SLC35F4: variants seen among roughly 807,000 people sequenced by gnomAD.
SLC35F4 encodes the protein solute carrier family 35 member F4.
In SLC35F4, 24 loss-of-function variants were observed where a neutral mutation model predicts 44.2. The ratio of observed to expected loss-of-function variants is 0.54; its 90% CI spans 0.39 to 0.76. SLC35F4 has a LOEUF of 0.76. SLC35F4 is among the 30% of genes least tolerant of loss of function. The pLI, the probability that SLC35F4 is intolerant of heterozygous loss-of-function variation, is 0.00. For missense variants in SLC35F4, 562 were observed against 586.1 expected (o/e 0.96, Z 0.42); for synonymous variants, 238 against 223.6 (o/e 1.06, Z -0.57).
At chr14:57,710,215 G>A (rs748543325) in intron 1 of SLC35F4, among the ~76,000 whole-genome samples, 2 of 152,228 alleles carry the variant, frequency 1.3e-5, no homozygotes, top group African/African-American at 4.8e-5. Flanking sequence ...TACTGCTCAG[G>A]CCATTGCTTC....
At chr14:57,766,622 G>C (rs1218390140) in intron 1 of SLC35F4, among the ~76,000 whole-genome samples, 2 of 152,164 alleles carry the variant, frequency 1.3e-5, no homozygotes, top group East Asian at 1.9e-4. Flanking sequence ...CCTGAGGCTT[G>C]AGCACTATAC....
At position 57,589,504 on chromosome 14, in the gene SLC35F4, C is replaced by T; in HGVS notation, c.299G>A (p.Gly100Glu). 1 of 1,603,252 alleles carries T rather than the reference C, an allele frequency of 6.2e-7. No homozygotes were observed. Among genetic ancestry groups the T allele is most frequent in the African/African-American group, 1.3e-5 (1 of 74,486 alleles). The change falls in exon 3 of 8, where the codon GGG (glycine) becomes GAG (glutamate). Residue 100 changes from glycine (G) to glutamate (E), a missense_variant. By Grantham distance (98) the Gly-to-Glu change is moderately conservative (BLOSUM62 -2). Transcript: ENST00000556826. Reference sequence around the variant, plus strand: ...GCTGTTCTCAGAATGAGTCTGTGTCCCATCGTCTGCTGGAAACAGGAAAGG... The same window carrying T: ...GCTGTTCTCAGAATGAGTCTGTGTCTCATCGTCTGCTGGAAACAGGAAAGG... ...VERQNRSADD[G>E]TQTHSENSSQ...
chr14:57,752,189 G>C (rs577604972), intron 1 of SLC35F4, among the ~76,000 whole-genome samples: 1 of 152,298 alleles, frequency 6.6e-6, no homozygotes, highest in South Asian at 2.1e-4. Context: ...GGGTTTCTAA[G>C]AGAATTTCTT....
At chr14:57,863,909 G>C (rs1489809966) in intron 1 of SLC35F4, among the ~76,000 whole-genome samples, 2 of 152,030 alleles carry the variant, frequency 1.3e-5, no homozygotes, top group African/African-American at 4.8e-5. Context: ...ATCCCTTTTG[G>C]CTACCAGTTA....
chr14:57,671,307 T>G (rs1271803740), intron 1 of SLC35F4, among the ~76,000 whole-genome samples: 1 of 151,708 alleles, frequency 6.6e-6, no homozygotes, highest in Admixed American at 6.6e-5. Flanking sequence ...AACCTCAGAG[T>G]GCACAGGTCT....
intron 1 of SLC35F4, among the ~76,000 whole-genome samples, chr14:57,704,289 G>C (rs1335233119): frequency 6.6e-6 from 1 of 152,176 alleles, no homozygotes; most frequent in East Asian, 1.9e-4. Flanking sequence ...TCTGAACTAA[G>C]AGTTGGAAAG....
At chr14:57,982,579 AG>A (rs571555245), upstream of SLC35F4, among the ~76,000 whole-genome samples, 58 of 152,182 alleles carry the variant, frequency 3.8e-4, no homozygotes, top group Admixed American at 5.2e-4. Flanking sequence ...AGCAGAGAGG[AG>A]GGGAGCCAGA....
intron 1 of SLC35F4, among the ~76,000 whole-genome samples, chr14:57,724,854 C>A (rs554372110): frequency 6.6e-6 from 1 of 152,184 alleles, no homozygotes; most frequent in Non-Finnish European, 1.5e-5. Flanking sequence ...GTGGGCAGAA[C>A]TTTGAGCAGT....
In SLC35F4 at chr14:57,885,360, T is replaced by A. The variant is rs1195482861; in HGVS notation, n.282+96553A>T. On this transcript the variant is annotated intron_variant and non_coding_transcript_variant, in intron 1 of 1. Transcript: ENST00000556568. The stretch of plus-strand genomic sequence containing the variant: ...AAATAAGTTTTCCTATGGAAGAAGC[T>A]TAGAACAGTGTCTGGCACAGAATAA... Among the ~76,000 whole-genome samples the A allele has an allele frequency of 2.0e-5, 3 of 152,176 alleles. No homozygotes were observed. In the South Asian group the frequency reaches 6.2e-4, roughly 31 times the overall value.
chr14:57,972,540 A>AG (rs1200149469), downstream of SLC35F4, among the ~76,000 whole-genome samples: 2 of 150,978 alleles, frequency 1.3e-5, no homozygotes, highest in East Asian at 4.2e-4. Flanking sequence ...ATCATGCTGA[A>AG]GTGGAAAAAA....
chr14:57,979,316 G>T (rs1398385888), intron 1 of SLC35F4, among the ~76,000 whole-genome samples: 1 of 152,200 alleles, frequency 6.6e-6, no homozygotes. Flanking sequence ...CTCTATGATA[G>T]ATTGGACTTC....
intron 1 of SLC35F4, among the ~76,000 whole-genome samples, chr14:57,723,048 T>C (rs756436564): frequency 1.6e-4 from 24 of 152,248 alleles, no homozygotes; most frequent in Admixed American, 1.4e-3. Flanking sequence ...ATGCAGATAT[T>C]TGGGGGACTA....
intron 1 of SLC35F4, among the ~76,000 whole-genome samples, chr14:57,760,346 T>C (rs549450561): frequency 2.0e-5 from 3 of 152,320 alleles, no homozygotes; most frequent in East Asian, 1.9e-4. Context: ...TACATATGCA[T>C]TGATTTATCT....
rs942406852 is a variant in SLC35F4 at position 57,865,945 on chromosome 14, G to T, written c.-120C>A. On this transcript the variant is annotated 5_prime_UTR_variant, in exon 1 of 8. Coordinates refer to ENST00000556826, the MANE Select transcript of SLC35F4 (RefSeq NM_001306087.2). ...TCTTGCAGCTCCTGCTCCCGCGCCC[G>T]GGCTCTGACTCCACCGCCCGGCGCA... is the stretch of plus-strand genomic sequence containing the variant. 1.3e-4 allele frequency: 78 copies of T among 579,306 alleles called. No individual in the cohort carries two copies. In the African/African-American group the frequency reaches 1.5e-3, roughly 11 times the overall value. The allele number at this position is 579,306 out of a possible 1,614,324, so 35.9% of individuals were successfully genotyped here.
At chr14:57,647,545 T>C (rs2073589968) in intron 1 of SLC35F4, among the ~76,000 whole-genome samples, 1 of 152,210 alleles carries the variant, frequency 6.6e-6, no homozygotes, top group African/African-American at 2.4e-5. Context: ...CTGGACAACT[T>C]CAACCCCTTA....
intron 1 of SLC35F4, among the ~76,000 whole-genome samples, chr14:57,747,325 C>T (rs67318701): frequency 0.12 from 17,774 of 152,166 alleles, 1,287 homozygotes; most frequent in South Asian, 0.18. Context: ...TGAATGAAAA[C>T]GTGAAGTATT....
chr14:57,774,339 C>T (rs2077438314), intron 1 of SLC35F4, among the ~76,000 whole-genome samples: 1 of 152,126 alleles, frequency 6.6e-6, no homozygotes, highest in African/African-American at 2.4e-5. Context: ...CTCTGAATGC[C>T]CATGCAGGAG....
At chr14:57,673,683 G>T (rs986800302) in intron 1 of SLC35F4, among the ~76,000 whole-genome samples, 2 of 151,940 alleles carry the variant, frequency 1.3e-5, no homozygotes, top group Admixed American at 6.6e-5. Flanking sequence ...ATGCAGGTTT[G>T]GTGGGGGTGG....
At chr14:57,769,228 C>T (rs909587119) in intron 1 of SLC35F4, among the ~76,000 whole-genome samples, 2 of 152,054 alleles carry the variant, frequency 1.3e-5, no homozygotes, top group African/African-American at 2.4e-5. Flanking sequence ...CTCCAGCACC[C>T]GTGCTGGGCT....
Sources: allele counts gnomAD v4.1 joint callset (sites outside exome capture counted in the v4.1 genomes callset), GRCh38; gene constraint gnomAD v4.1.1; transcripts MANE v1.5; gene names NCBI Gene and HGNC (gene_info 2026-07-23, HGNC 2026-07-21).